Variants in NRXN3 observed in about 807,000 individuals in gnomAD.
NRXN3 encodes the protein neurexin III.
In NRXN3, 32 loss-of-function variants were observed where a neutral mutation model predicts 137.6. The observed-to-expected ratio is 0.23, with a 90% confidence interval of 0.18 to 0.31. NRXN3 has a LOEUF of 0.31. Among genes scored for constraint, NRXN3 ranks in the 10% least tolerant of loss-of-function variants. The pLI, the probability that NRXN3 is intolerant of heterozygous loss-of-function variation, is 1.00. For synonymous variants in NRXN3, 798 were observed against 784.5 expected (o/e 1.02, Z -0.29); for missense variants, 1,574 against 2,062.5 (o/e 0.76, Z 4.59).
At chr14:78,386,948 T>A (rs2153636859) in intron 4 of NRXN3, among the ~76,000 whole-genome samples, 1 of 152,078 alleles carries the variant, frequency 6.6e-6, no homozygotes, top group South Asian at 2.1e-4. Flanking sequence ...CATGGCTAAT[T>A]TTTTTGTATG....
intron 15 of NRXN3, among the ~76,000 whole-genome samples, chr14:79,061,880 T>G (rs2099674746): frequency 6.6e-6 from 1 of 152,084 alleles, no homozygotes; most frequent in Non-Finnish European, 1.5e-5. Context: ...GCAGAAAGAA[T>G]AATAGCTGTT....
At chr14:79,262,567 A>G (rs746941363) in intron 15 of NRXN3, among the ~76,000 whole-genome samples, 29 of 152,032 alleles carry the variant, frequency 1.9e-4, no homozygotes, top group African/African-American at 3.4e-4. Context: ...AGGAGGAGGA[A>G]GAAGAAGAAG....
intron 1 of NRXN3, among the ~76,000 whole-genome samples, chr14:78,171,238 A>AG (rs1376460031): frequency 1.4e-5 from 1 of 73,536 alleles, no homozygotes; most frequent in Non-Finnish European, 2.8e-5. Context: ...TTTTTTTTTG[A>AG]GGGGGTGTGA....
At position 79,372,291 on chromosome 14, in the gene NRXN3, T is replaced by C. The variant is rs978948931; in HGVS notation, c.3263-94930T>C. On this transcript the variant is annotated intron_variant, in intron 15 of 20. Transcript: ENST00000335750. ...AGCATTCGAAGATTGATTAGAAAGA[T>C]AAATTTCGGCACACAGGGTCTCTGT... 2.0e-4 allele frequency among the ~76,000 whole-genome samples: 31 copies of C among 152,282 alleles called. 1 individual carries two copies. The highest frequency in any genetic ancestry group is 6.7e-4 in the African/African-American group (28 of 41,576).
At chr14:78,792,257 C>CAAAAAAAAAAAAAAA (rs140968788) in intron 8 of NRXN3, among the ~76,000 whole-genome samples, 4 of 19,456 alleles carry the variant, frequency 2.1e-4, no homozygotes, top group African/African-American at 5.5e-4. Flanking sequence ...AGACTAAAGG[C>CAAAAAAAAAAAAAAA]AAAAAAAAAA....
chr14:79,837,302 A>ATT (rs2099346128), intron 20 of NRXN3, among the ~76,000 whole-genome samples: 9 of 122,816 alleles, frequency 7.3e-5, no homozygotes, highest in African/African-American at 1.2e-4. Context: ...TTTTTTTTAA[A>ATT]AAAACCGTCT....
At chr14:78,402,617 G>A (rs1348637232) in intron 4 of NRXN3, among the ~76,000 whole-genome samples, 1 of 152,132 alleles carries the variant, frequency 6.6e-6, no homozygotes, top group Non-Finnish European at 1.5e-5. Context: ...GGTCTACTCT[G>A]AGCACCTACT....
chr14:79,330,243 T>G (rs2091486747), intron 15 of NRXN3, among the ~76,000 whole-genome samples: 1 of 152,166 alleles, frequency 6.6e-6, no homozygotes, highest in Middle Eastern at 3.4e-3. Context: ...AGTCCAGGTA[T>G]GAGATGATAA....
intron 15 of NRXN3, among the ~76,000 whole-genome samples, chr14:79,037,547 A>G (rs757345804): frequency 2.0e-5 from 3 of 152,150 alleles, no homozygotes; most frequent in Non-Finnish European, 4.4e-5. Flanking sequence ...AAGGCATTTT[A>G]ATTCTAAAGA....
chr14:79,341,833 A>G (rs911168181), intron 15 of NRXN3, among the ~76,000 whole-genome samples: 3 of 152,260 alleles, frequency 2.0e-5, no homozygotes, highest in African/African-American at 7.2e-5. Context: ...GGCAGATCCA[A>G]GTAAGACCCC....
chr14:79,423,390 C>T (rs2095609823), intron 15 of NRXN3, among the ~76,000 whole-genome samples: 1 of 152,152 alleles, frequency 6.6e-6, no homozygotes, highest in Non-Finnish European at 1.5e-5. Flanking sequence ...ATTGGGTATA[C>T]ATCTGATCAC....
intron 1 of NRXN3, among the ~76,000 whole-genome samples, chr14:78,195,686 A>G (rs61106716): frequency 0.028 from 4,280 of 152,258 alleles, 111 homozygotes; most frequent in East Asian, 0.12. Flanking sequence ...CTAGGCTGGA[A>G]TGAGAGAGAC....
At chr14:79,446,774 T>A (rs1014198089) in intron 15 of NRXN3, among the ~76,000 whole-genome samples, 1 of 152,202 alleles carries the variant, frequency 6.6e-6, no homozygotes, top group African/African-American at 2.4e-5. Flanking sequence ...TCTTTTCCTG[T>A]TAAGAAGCAG....
intron 16 of NRXN3, among the ~76,000 whole-genome samples, chr14:79,534,650 A>G (rs1185167255): frequency 6.6e-6 from 1 of 152,198 alleles, no homozygotes; most frequent in East Asian, 1.9e-4. Flanking sequence ...AAAACATGGC[A>G]AGGTTTAAAA....
At chr14:78,992,960 G>A (rs929777681) in intron 15 of NRXN3, among the ~76,000 whole-genome samples, 6 of 152,170 alleles carry the variant, frequency 3.9e-5, no homozygotes, top group African/African-American at 1.4e-4. Context: ...ACCCTTAGGA[G>A]CTGGCCACCC....
chr14:79,016,876 A>C (rs939105697), intron 15 of NRXN3, among the ~76,000 whole-genome samples: 34 of 152,172 alleles, frequency 2.2e-4, no homozygotes, highest in African/African-American at 8.0e-4. Context: ...TGCAGAGAGT[A>C]AACACAAGGA....
intron 15 of NRXN3, among the ~76,000 whole-genome samples, chr14:79,244,446 C>T (rs2887896): frequency 0.052 from 7,915 of 152,180 alleles, 559 homozygotes; most frequent in African/African-American, 0.15. Flanking sequence ...CCAGTTCAGC[C>T]TCATAACGCG....
At position 79,551,155 on chromosome 14, in the gene NRXN3, A is replaced by G. The variant is rs563127053; in HGVS notation, c.3444+83753A>G. Among the ~76,000 whole-genome samples the G allele has an allele frequency of 5.3e-5, 8 of 152,288 alleles. 1 individual carries two copies. The South Asian group carries it at 1.7e-3, about 32-fold the overall frequency. ...GATTGTTAAGAGAAGTTTCCTTTAAATGTTCAGAATAGTGAATGGCATTTC... is the reference window on the plus strand; with the variant it reads ...GATTGTTAAGAGAAGTTTCCTTTAAGTGTTCAGAATAGTGAATGGCATTTC... On this transcript the variant is annotated intron_variant, in intron 16 of 20. Transcript: ENST00000335750.
intron 15 of NRXN3, among the ~76,000 whole-genome samples, chr14:79,186,320 T>C (rs2063539912): frequency 6.6e-6 from 1 of 152,192 alleles, no homozygotes; most frequent in Non-Finnish European, 1.5e-5. Flanking sequence ...TTTAAAATTT[T>C]GCTTTACTGT....
Sources: gnomAD v4.1 joint callset for allele counts (sites outside exome capture counted in the v4.1 genomes callset) on GRCh38, gnomAD v4.1.1 for gene constraint, MANE v1.5 for transcripts, NCBI Gene and HGNC (gene_info 2026-07-23, HGNC 2026-07-21) for gene names.